The following BACH2 variants were observed in gnomAD, a reference collection of about 807,000 sequenced individuals.
BACH2 encodes transcription regulator protein BACH2.
In BACH2, 5 loss-of-function variants were observed where a neutral mutation model predicts 61.8. That is an observed-to-expected ratio of 0.08 (90% confidence interval 0.04 to 0.17). The LOEUF is 0.17. Among genes scored for constraint, BACH2 ranks in the 10% least tolerant of loss-of-function variants. The pLI, the probability that BACH2 is intolerant of heterozygous loss-of-function variation, is 1.00. For synonymous variants in BACH2, 446 were observed against 440.1 expected (o/e 1.01, Z -0.17); for missense variants, 824 against 1,091.1 (o/e 0.76, Z 3.45).
intron 1 of BACH2, among the ~76,000 whole-genome samples, chr6:90,277,288 T>A (rs1771724140): frequency 6.6e-6 from 1 of 152,226 alleles, no homozygotes; most frequent in South Asian, 2.1e-4. Flanking sequence ...AATATAATAC[T>A]ATATAGCATG....
At chr6:89,938,032 A>T (rs2128353766) in intron 8 of BACH2, 112 bp downstream of exon 8, 10 of 1,002,806 alleles carry the variant, frequency 1.0e-5, no homozygotes, top group Non-Finnish European at 1.3e-5. Context: ...AAATAAACCC[A>T]AACTTCCGCA....
intron 8 of BACH2, among the ~76,000 whole-genome samples, chr6:89,936,074 C>T (rs888518682): frequency 1.1e-4 from 16 of 152,240 alleles, no homozygotes; most frequent in African/African-American, 3.9e-4. Context: ...GGGCAATAGA[C>T]ATTTTCTGGG....
chr6:90,194,325 G>C (rs916208883), intron 4 of BACH2, among the ~76,000 whole-genome samples: 1 of 151,690 alleles, frequency 6.6e-6, no homozygotes, highest in Non-Finnish European at 1.5e-5. Context: ...TTCCATTTTT[G>C]ATTTTTTTTT....
chr6:90,248,422 A>G (rs901599325), intron 3 of BACH2, among the ~76,000 whole-genome samples: 5 of 152,216 alleles, frequency 3.3e-5, no homozygotes, highest in South Asian at 4.1e-4. Context: ...GGGCTCATAG[A>G]CTAATGGGAG....
chr6:90,148,368 G>T (rs1784693731), intron 4 of BACH2, among the ~76,000 whole-genome samples: 2 of 152,208 alleles, frequency 1.3e-5, no homozygotes, highest in African/African-American at 4.8e-5. Context: ...TGACAATATT[G>T]TACCAAACAC....
intron 4 of BACH2, among the ~76,000 whole-genome samples, chr6:90,094,206 C>G (rs953033351): frequency 6.6e-6 from 1 of 152,186 alleles, no homozygotes; most frequent in African/African-American, 2.4e-5. Context: ...AGGGAGTGTT[C>G]TTACCAATTA....
At chr6:90,273,991 A>T (rs1771613241) in intron 1 of BACH2, among the ~76,000 whole-genome samples, 1 of 152,230 alleles carries the variant, frequency 6.6e-6, no homozygotes, top group Non-Finnish European at 1.5e-5. Context: ...TTCCAGTGGG[A>T]CTATAAACCT....
chr6:90,002,951 T>C (rs538979903), intron 6 of BACH2, among the ~76,000 whole-genome samples: 4 of 152,262 alleles, frequency 2.6e-5, no homozygotes, highest in Admixed American at 2.6e-4. Context: ...ATCCAACATA[T>C]AAGAAATTCC....
chr6:90,189,763 G>A (rs897573751), intron 4 of BACH2, among the ~76,000 whole-genome samples: 2 of 152,114 alleles, frequency 1.3e-5, no homozygotes, highest in South Asian at 4.1e-4. Context: ...CTGTTTATCT[G>A]CTGAGCAATA....
chr6:90,104,051 C>T (rs1421978428), intron 4 of BACH2, among the ~76,000 whole-genome samples: 1 of 152,184 alleles, frequency 6.6e-6, no homozygotes, highest in African/African-American at 2.4e-5. Flanking sequence ...CATACTGACC[C>T]TTAATCAGCA....
chr6:90,163,643 T>C (rs1767485698), intron 4 of BACH2, among the ~76,000 whole-genome samples: 1 of 152,172 alleles, frequency 6.6e-6, no homozygotes, highest in South Asian at 2.1e-4. Context: ...AAGAAAAAGA[T>C]ACTATACATT....
Position 89,932,275 on chromosome 6 carries a change from G to T in BACH2, c.*133C>A. The T allele has an allele frequency of 8.4e-7, 1 of 1,188,098 alleles. No homozygotes were observed. The highest frequency in any genetic ancestry group is 1.2e-6 in the Non-Finnish European group (1 of 842,204). The allele number at this position is 1,188,098 out of a possible 1,614,324, so 73.6% of individuals were successfully genotyped here. On this transcript the variant is annotated 3_prime_UTR_variant, in exon 9 of 9. Transcript: ENST00000257749. ...GGAGAGGATACTTCGGAACAGTATT[G>T]CTGCTAAGACCGCTGTAGTGTGCAC...
At chr6:89,995,992 C>A (rs1013595939) in intron 6 of BACH2, among the ~76,000 whole-genome samples, 2 of 152,158 alleles carry the variant, frequency 1.3e-5, no homozygotes, top group Non-Finnish European at 2.9e-5. Flanking sequence ...GCCATGGAGC[C>A]TAAATGTTGG....
chr6:89,942,038 G>A (rs567039974), intron 7 of BACH2, among the ~76,000 whole-genome samples: 1 of 98,816 alleles, frequency 1.0e-5, no homozygotes, highest in East Asian at 1.1e-3. Context: ...AGGGTCAGAG[G>A]AAAAGGTAAT....
chr6:90,141,482 C>T (rs1183386035), intron 4 of BACH2, among the ~76,000 whole-genome samples: 20 of 149,320 alleles, frequency 1.3e-4, no homozygotes, highest in Admixed American at 1.2e-3. Flanking sequence ...TACCCCGCCC[C>T]GATCCCGTTT....
intron 6 of BACH2, among the ~76,000 whole-genome samples, chr6:89,986,864 C>T (rs1451103163): frequency 6.6e-6 from 1 of 152,070 alleles, no homozygotes; most frequent in Non-Finnish European, 1.5e-5. Context: ...AAATAGCATC[C>T]CAGGATTTCA....
At chr6:89,983,443 CA>C (rs1285213253) in intron 6 of BACH2, among the ~76,000 whole-genome samples, 3 of 152,104 alleles carry the variant, frequency 2.0e-5, no homozygotes, top group African/African-American at 7.2e-5. Context: ...CAGAGGCAGG[CA>C]GATCACCTGA....
At chr6:89,984,506 TATATC>T (rs1489548865) in intron 6 of BACH2, among the ~76,000 whole-genome samples, 2 of 151,822 alleles carry the variant, frequency 1.3e-5, no homozygotes, top group African/African-American at 4.8e-5. Flanking sequence ...TTGGAAAAAA[TATATC>T]AGATAACCAA....
intron 3 of BACH2, among the ~76,000 whole-genome samples, chr6:90,211,126 CAAAAAAAAA>C (rs3072672): frequency 1.3e-4 from 6 of 45,360 alleles, no homozygotes; most frequent in South Asian, 1.4e-3. Flanking sequence ...GACTCCATCT[CAAAAAAAAA>C]AAAAAAAAAA....
Sources: allele counts gnomAD v4.1 joint callset (sites outside exome capture counted in the v4.1 genomes callset), GRCh38; gene constraint gnomAD v4.1.1; transcripts MANE v1.5; gene names NCBI Gene and HGNC (gene_info 2026-07-23, HGNC 2026-07-21).